Variants in VWC2L observed in about 807,000 individuals in gnomAD.
VWC2L encodes the protein von Willebrand factor C domain-containing protein 2-like.
Under a neutral mutation model 21.6 loss-of-function variants are expected in VWC2L, and 10 were observed. The observed-to-expected ratio is 0.46, with a 90% CI of 0.29 to 0.78. The LOEUF is 0.78. VWC2L is among the 30% of genes least tolerant of loss of function. The pLI is 0.10. For missense variants in VWC2L, 209 were observed against 277.1 expected, an observed-to-expected ratio of 0.75 and a Z score of 1.74; for synonymous variants, 96 against 94.3, an observed-to-expected ratio of 1.02 and a Z score of -0.10.
chr2:214,411,567 TTA>T lies in VWC2L; in HGVS notation c.-296_-295del, dbSNP rs1484104380. ...TGAAGACAGGTCCAAAGCAAATTTC[TTA>T]TATGTGTCTGCTGTGTTTCTTTCTG... is the stretch of plus-strand genomic sequence containing the variant. On this transcript the variant is annotated 5_prime_UTR_variant, in exon 1 of 4. The change creates a new upstream start codon in the 5' untranslated region. Coordinates refer to ENST00000312504, the MANE Select transcript of VWC2L (RefSeq NM_001080500.4). The T allele has an allele frequency of 6.6e-6, 1 of 152,236 alleles. No homozygotes were observed. Among genetic ancestry groups the T allele is most frequent in the African/African-American group, 2.4e-5 (1 of 41,456 alleles). The allele number at this position is 152,236 out of a possible 1,614,324, so 9.4% of individuals were successfully genotyped here. A position where few individuals can be genotyped will look rare whatever the true frequency, so the allele number is the denominator to read the frequency against.
chr2:214,520,055 T>TTA, intron 3 of VWC2L, among the ~76,000 whole-genome samples: 1 of 40,688 alleles, frequency 2.5e-5, no homozygotes. Flanking sequence ...TTTGCTCCTG[T>TTA]TATACACACA....
intron 3 of VWC2L, among the ~76,000 whole-genome samples, chr2:214,531,492 G>A (rs1168262509): frequency 6.6e-6 from 1 of 152,128 alleles, no homozygotes; most frequent in Non-Finnish European, 1.5e-5. Context: ...CATTTTCTCT[G>A]TATTAGAATA....
At chr2:214,573,979 A>G (rs1231190194) in intron 3 of VWC2L, among the ~76,000 whole-genome samples, 1 of 152,126 alleles carries the variant, frequency 6.6e-6, no homozygotes. Context: ...CATCTCTACT[A>G]AAAATACAAA....
intron 3 of VWC2L, among the ~76,000 whole-genome samples, chr2:214,492,741 GT>G (rs1688761814): frequency 1.3e-5 from 2 of 152,182 alleles, no homozygotes; most frequent in Admixed American, 1.3e-4. Context: ...TTAATTTTGA[GT>G]TTTGGTATGT....
intron 3 of VWC2L, among the ~76,000 whole-genome samples, chr2:214,476,980 T>C (rs1489957461): frequency 6.6e-6 from 1 of 152,148 alleles, no homozygotes; most frequent in East Asian, 1.9e-4. Flanking sequence ...TTTAGAACCC[T>C]ACACTCAGGA....
At chr2:214,524,453 G>A (rs955041242) in intron 3 of VWC2L, among the ~76,000 whole-genome samples, 1 of 152,120 alleles carries the variant, frequency 6.6e-6, no homozygotes, top group Non-Finnish European at 1.5e-5. Context: ...ATCTGATCTG[G>A]AGTCTAAGTT....
intron 3 of VWC2L, among the ~76,000 whole-genome samples, chr2:214,513,673 C>G (rs1322349206): frequency 6.6e-6 from 1 of 152,052 alleles, no homozygotes; most frequent in Non-Finnish European, 1.5e-5. Context: ...TAGTGCCAAT[C>G]AAAGCTTGCT....
chr2:214,444,059 T>G (rs1702801581), intron 3 of VWC2L, among the ~76,000 whole-genome samples: 1 of 152,034 alleles, frequency 6.6e-6, no homozygotes, highest in Admixed American at 6.6e-5. Flanking sequence ...CATATATGTA[T>G]TAAAAGAAAA....
intron 3 of VWC2L, among the ~76,000 whole-genome samples, chr2:214,469,226 A>G (rs188120042): frequency 3.3e-5 from 5 of 152,320 alleles, no homozygotes; most frequent in South Asian, 2.1e-4. Flanking sequence ...ATTATCTCCA[A>G]TGTAATCCAT....
rs1702324876 is a variant in VWC2L, at chr2:214,414,464, C to G, written c.271C>G (p.Pro91Ala). Residue 91 changes from proline to alanine, a missense_variant, in exon 2 of 4, where the codon CCT (proline) becomes GCT (alanine). Transcript: ENST00000312504. Reference protein sequence around the residue: ...DGPVCDQPECPKIHPKCTKVE... With the variant: ...DGPVCDQPECAKIHPKCTKVE... ...ACCTGTTTGCGACCAACCAGAATGC[C>G]CTAAAATTCACCCAAAGTGTACTAA... 1 of 1,613,236 alleles carries G rather than the reference C, an allele frequency of 6.2e-7. No individual in the cohort carries two copies. Among genetic ancestry groups the G allele is most frequent in the African/African-American group, 1.3e-5 (1 of 74,852 alleles).
chr2:214,467,340 T>A (rs1430330571), intron 3 of VWC2L, among the ~76,000 whole-genome samples: 4 of 152,156 alleles, frequency 2.6e-5, no homozygotes, highest in Non-Finnish European at 5.9e-5. Context: ...GTCTGTTGAG[T>A]TTTCTGAGAA....
At chr2:214,573,286 A>G (rs1174673971) in intron 3 of VWC2L, among the ~76,000 whole-genome samples, 2 of 152,106 alleles carry the variant, frequency 1.3e-5, no homozygotes, top group East Asian at 3.9e-4. Context: ...CACACGGTTA[A>G]GATTCTTCTG....
chr2:214,443,659 T>G (rs766689195), intron 3 of VWC2L, among the ~76,000 whole-genome samples: 14 of 152,252 alleles, frequency 9.2e-5, no homozygotes, highest in Middle Eastern at 3.4e-3. Flanking sequence ...AAAACAAGAC[T>G]GAAGTGGACA....
chr2:214,469,300 GCTC>G (rs1703269327), intron 3 of VWC2L, among the ~76,000 whole-genome samples: 1 of 152,112 alleles, frequency 6.6e-6, no homozygotes, highest in African/African-American at 2.4e-5. Flanking sequence ...CTCACTAAAA[GCTC>G]CTTAAAATAT....
rs992548606 is a variant in VWC2L at position 214,575,985 on chromosome 2, T to G, written c.*165T>G. 12 of 685,094 alleles carry G rather than the reference T, an allele frequency of 1.8e-5. No homozygotes were observed. The African/African-American group carries it at 1.8e-4, about 10-fold the overall frequency. The allele number at this position is 685,094 out of a possible 1,614,324, so 42.4% of individuals were successfully genotyped here. A position where few individuals can be genotyped will look rare whatever the true frequency, so the allele number is the denominator to read the frequency against. The stretch of plus-strand genomic sequence containing the variant: ...AGTGAATATTTTCCTAAGAGGAAAT[T>G]TCTTTCTCTCTTGCTATATAAAATA... On this transcript the variant is annotated 3_prime_UTR_variant, in exon 4 of 4. Coordinates refer to ENST00000312504, the MANE Select transcript of VWC2L (RefSeq NM_001080500.4).
chr2:214,522,487 T>A (rs879616284), intron 3 of VWC2L, among the ~76,000 whole-genome samples: 6 of 152,034 alleles, frequency 3.9e-5, no homozygotes, highest in Admixed American at 3.3e-4. Flanking sequence ...TCTATATTTA[T>A]GGGGTACAGG....
chr2:214,495,996 C>T (rs780075963), intron 3 of VWC2L, among the ~76,000 whole-genome samples: 34 of 152,040 alleles, frequency 2.2e-4, no homozygotes, highest in Non-Finnish European at 4.1e-4. Context: ...ACTATTTCAT[C>T]GCTGTGTGAA....
At chr2:214,518,211 C>G (rs781343221) in intron 3 of VWC2L, among the ~76,000 whole-genome samples, 5 of 152,086 alleles carry the variant, frequency 3.3e-5, no homozygotes, top group Non-Finnish European at 5.9e-5. Context: ...TGATAGAAAG[C>G]CTGGAGTCAA....
intron 3 of VWC2L, among the ~76,000 whole-genome samples, chr2:214,497,077 T>C (rs1688823195): frequency 6.6e-6 from 1 of 152,204 alleles, no homozygotes; most frequent in Admixed American, 6.5e-5. Context: ...GCAAATCCTA[T>C]ATTTCAAAAG....
Sources: allele counts gnomAD v4.1 joint callset (sites outside exome capture counted in the v4.1 genomes callset), GRCh38; gene constraint gnomAD v4.1.1; transcripts MANE v1.5; gene names NCBI Gene and HGNC (gene_info 2026-07-23, HGNC 2026-07-21).